FTCDNL1: variants seen among roughly 807,000 people sequenced by gnomAD.
The protein encoded by FTCDNL1 is formiminotransferase N-terminal subdomain-containing protein.
In FTCDNL1, 11 loss-of-function variants were observed where a neutral mutation model predicts 5.9. The observed-to-expected ratio is 1.87, with a 90% CI of 1.18 to 3.10. FTCDNL1 has a LOEUF of 3.10. Ranked by LOEUF, FTCDNL1 falls within the 30% of genes most tolerant of loss-of-function variation. FTCDNL1 has a pLI of 0.00. For synonymous variants in FTCDNL1, 58 were observed against 24.8 expected, an observed-to-expected ratio of 2.34 and a Z score of -3.99; for missense variants, 115 against 65.5, an observed-to-expected ratio of 1.76 and a Z score of -2.61.
the FTCDNL1 span, among the ~76,000 whole-genome samples, chr2:199,741,074 A>C: frequency 6.6e-6 from 1 of 152,168 alleles, no homozygotes; most frequent in Non-Finnish European, 1.5e-5. Flanking sequence ...TATATGTTAA[A>C]AAATTTGCAA....
intron 3 of FTCDNL1, among the ~76,000 whole-genome samples, chr2:199,839,589 C>T (rs2076527956): frequency 6.6e-6 from 1 of 152,164 alleles, no homozygotes; most frequent in Non-Finnish European, 1.5e-5. Flanking sequence ...TAAAAGGACT[C>T]ACCAAGTATC....
At chr2:199,753,520 T>C in the FTCDNL1 span, among the ~76,000 whole-genome samples, 1 of 152,234 alleles carries the variant, frequency 6.6e-6, no homozygotes, top group Admixed American at 6.5e-5. Flanking sequence ...ATATTTTTAA[T>C]TATGTTGGCT....
chr2:199,723,202 CATA>C, the FTCDNL1 span, among the ~76,000 whole-genome samples: 1 of 151,312 alleles, frequency 6.6e-6, no homozygotes, highest in South Asian at 2.1e-4. Context: ...TGAGTGAGAA[CATA>C]ATGCTTGTGA....
At position 199,848,854 on chromosome 2, in the gene FTCDNL1, T is replaced by G; in HGVS notation, c.109A>C (p.Lys37Gln). Residue 37 changes from lysine (K) to glutamine (Q), a missense_variant, in exon 2 of 5, where the codon AAA becomes CAA. Physicochemically the swap from Lys to Gln is moderately conservative, Grantham distance 53. Transcript: ENST00000420128. ...AATTGTCTGTTTTTCCTACCATTTT[T>G]GTCAAGAAGAGCTGCTTTTGCTATG... The part of the protein sequence containing the change: ...ENIAKAALLD[K>Q]NGKKHPQVSV... The G allele has an allele frequency of 1.4e-6, 1 of 700,234 alleles. No individual in the cohort carries two copies. Among genetic ancestry groups the G allele is most frequent in the Non-Finnish European group, 2.6e-6 (1 of 384,332 alleles). 43.4% of individuals were successfully genotyped at this position (700,234 alleles called of 1,614,324 possible). A position where few individuals can be genotyped will look rare whatever the true frequency, so the allele number is the denominator to read the frequency against.
At chr2:199,776,927 TAC>T (rs201417430) in intron 3 of FTCDNL1, among the ~76,000 whole-genome samples, 2,906 of 147,478 alleles carry the variant, frequency 0.02, 44 homozygotes, top group Middle Eastern at 0.025. Context: ...TATATATATA[TAC>T]ACACACACAC....
intron 3 of FTCDNL1, among the ~76,000 whole-genome samples, chr2:199,800,856 A>G (rs892416800): frequency 3.9e-5 from 6 of 152,346 alleles, no homozygotes; most frequent in Admixed American, 6.5e-5. Flanking sequence ...GTTTCCTATG[A>G]TTATCACAAA....
intron 3 of FTCDNL1, among the ~76,000 whole-genome samples, chr2:199,840,039 G>T (rs906281848): frequency 6.6e-6 from 1 of 152,198 alleles, no homozygotes; most frequent in Non-Finnish European, 1.5e-5. Flanking sequence ...TGAAAGTCAT[G>T]ATGATGGCTG....
the FTCDNL1 span, among the ~76,000 whole-genome samples, chr2:199,723,493 C>T: frequency 6.6e-6 from 1 of 151,992 alleles, no homozygotes; most frequent in Non-Finnish European, 1.5e-5. Flanking sequence ...CAGCTTTTGC[C>T]CATTCAGTAT....
the FTCDNL1 span, among the ~76,000 whole-genome samples, chr2:199,721,306 G>A: frequency 6.6e-6 from 1 of 151,982 alleles, no homozygotes; most frequent in Non-Finnish European, 1.5e-5. Flanking sequence ...AGTATGTGTT[G>A]TTCCCTCCCT....
the FTCDNL1 span, among the ~76,000 whole-genome samples, chr2:199,665,186 T>C: frequency 6.6e-6 from 1 of 152,306 alleles, no homozygotes; most frequent in East Asian, 1.9e-4. Flanking sequence ...CCATGGAGTC[T>C]GGAGGGGCTC....
At chr2:199,765,556 A>ATATATATTTTTTTTTTTTTTTTTTTTTT in intron 3 of FTCDNL1, among the ~76,000 whole-genome samples, 1 of 42,666 alleles carries the variant, frequency 2.3e-5, no homozygotes. Flanking sequence ...ATATATATAT[A>ATATATATTTTTTTTTTTTTTTTTTTTTT]TTTTTTTTTT....
At chr2:199,801,691 C>T (rs1256344404) in intron 3 of FTCDNL1, among the ~76,000 whole-genome samples, 2 of 151,612 alleles carry the variant, frequency 1.3e-5, no homozygotes, top group Non-Finnish European at 2.9e-5. Context: ...TGGCTCACGC[C>T]TGTAATCCCA....
intron 3 of FTCDNL1, among the ~76,000 whole-genome samples, chr2:199,833,409 T>C (rs1339184827): frequency 2.6e-5 from 4 of 152,158 alleles, no homozygotes; most frequent in Admixed American, 6.5e-5. Flanking sequence ...GTGGAATTGG[T>C]ATTGACCTTT....
intron 2 of FTCDNL1, among the ~76,000 whole-genome samples, chr2:199,847,339 C>T (rs1421098517): frequency 6.6e-6 from 1 of 151,932 alleles, no homozygotes; most frequent in African/African-American, 2.4e-5. Context: ...TTGAAAACTA[C>T]AAAAGATGAA....
At chr2:199,726,697 A>T in the FTCDNL1 span, among the ~76,000 whole-genome samples, 1 of 152,088 alleles carries the variant, frequency 6.6e-6, no homozygotes, top group Non-Finnish European at 1.5e-5. Flanking sequence ...GGTCCACTGC[A>T]GAGCCTATTC....
chr2:199,723,110 C>T, the FTCDNL1 span, among the ~76,000 whole-genome samples: 2 of 151,932 alleles, frequency 1.3e-5, no homozygotes, highest in East Asian at 1.9e-4. Flanking sequence ...TACTCTCCCT[C>T]CCCCTGCCCC....
At chr2:199,784,303 C>A (rs1699526162) in intron 3 of FTCDNL1, among the ~76,000 whole-genome samples, 1 of 152,150 alleles carries the variant, frequency 6.6e-6, no homozygotes, top group South Asian at 2.1e-4. Context: ...TCCAGCAGGG[C>A]ATTCTGGTCT....
At chr2:199,803,429 T>C (rs942959917) in intron 3 of FTCDNL1, among the ~76,000 whole-genome samples, 1 of 147,392 alleles carries the variant, frequency 6.8e-6, no homozygotes, top group East Asian at 2.1e-4. Flanking sequence ...TCTGAGAATG[T>C]GGGTCCAAGG....
At chr2:199,770,991 T>C (rs1324583773) in intron 3 of FTCDNL1, among the ~76,000 whole-genome samples, 12 of 152,210 alleles carry the variant, frequency 7.9e-5, no homozygotes, top group Non-Finnish European at 4.4e-5. Flanking sequence ...TCAGACCAAA[T>C]GCAAGCTCAC....
Sources: allele counts gnomAD v4.1 joint callset (sites outside exome capture counted in the v4.1 genomes callset), GRCh38; gene constraint gnomAD v4.1.1; transcripts MANE v1.5; gene names NCBI Gene and HGNC (gene_info 2026-07-23, HGNC 2026-07-21).